Variants in DLGAP1 observed in about 807,000 individuals in gnomAD.
DLGAP1 encodes the protein DLG associated protein 1, also known as disks large-associated protein 1.
A neutral mutation model predicts 90.8 loss-of-function variants in DLGAP1; 11 were observed. The ratio of observed to expected loss-of-function variants is 0.12; its 90% CI spans 0.08 to 0.20. The LOEUF is 0.20. Among genes scored for constraint, DLGAP1 ranks in the 10% least tolerant of loss-of-function variants. The pLI, the probability that DLGAP1 is intolerant of heterozygous loss-of-function variation, is 1.00. For synonymous variants in DLGAP1, 558 were observed against 540.7 expected (o/e 1.03, Z -0.44); for missense variants, 1,050 against 1,333.8 (o/e 0.79, Z 3.31).
chr18:3,685,518 T>C (rs112153369), intron 7 of DLGAP1, among the ~76,000 whole-genome samples: 17,406 of 137,014 alleles, frequency 0.13, 1,195 homozygotes, highest in Non-Finnish European at 0.15. Flanking sequence ...GAGCCGAGAT[T>C]GCGCCACTGC....
At chr18:4,416,123 G>A (rs1567904902) in intron 1 of DLGAP1, among the ~76,000 whole-genome samples, 5 of 149,896 alleles carry the variant, frequency 3.3e-5, no homozygotes, top group African/African-American at 9.9e-5. Context: ...AACCTAAATT[G>A]TAGTGACATA....
At chr18:4,079,121 C>T (rs1474884339) in intron 2 of DLGAP1, among the ~76,000 whole-genome samples, 2 of 152,048 alleles carry the variant, frequency 1.3e-5, no homozygotes, top group Admixed American at 1.3e-4. Flanking sequence ...TAAGGATAGC[C>T]CAGCATAGAT....
At chr18:3,629,938 A>G (rs1245908665) in intron 7 of DLGAP1, among the ~76,000 whole-genome samples, 2 of 152,130 alleles carry the variant, frequency 1.3e-5, no homozygotes, top group African/African-American at 4.8e-5. Context: ...CCCTACCCCC[A>G]TATCATTTTG....
Position 3,498,982 on chromosome 18 carries a change from G to A in DLGAP1, c.*203C>T. On this transcript the variant is annotated 3_prime_UTR_variant, in exon 13 of 13. Coordinates refer to ENST00000315677, the MANE Select transcript of DLGAP1 (RefSeq NM_004746.4). ...ACAGGGGGCGAAGCTCGGTGAAGAA[G>A]GAGATGGGCAAACGGGTACGGGAAG... 1.8e-6 allele frequency: 1 copy of A among 563,030 alleles called. No homozygotes were observed. The highest frequency in any genetic ancestry group is 2.3e-5 in the South Asian group (1 of 43,472). The allele number at this position is 563,030 out of a possible 1,614,324, so 34.9% of individuals were successfully genotyped here.
intron 3 of DLGAP1, among the ~76,000 whole-genome samples, chr18:3,998,231 T>C (rs1269863846): frequency 6.6e-6 from 1 of 152,222 alleles, no homozygotes; most frequent in Non-Finnish European, 1.5e-5. Flanking sequence ...TGGAATAATA[T>C]GTATAGGGAA....
At chr18:4,156,711 T>C (rs1038735378) in intron 1 of DLGAP1, among the ~76,000 whole-genome samples, 2 of 152,218 alleles carry the variant, frequency 1.3e-5, no homozygotes, top group African/African-American at 2.4e-5. Flanking sequence ...TATGAATCTA[T>C]AGACCTAAAA....
At chr18:4,137,129 CTA>C (rs1442070807) in intron 2 of DLGAP1, among the ~76,000 whole-genome samples, 1 of 152,174 alleles carries the variant, frequency 6.6e-6, no homozygotes, top group African/African-American at 2.4e-5. Flanking sequence ...GAATTCCCAC[CTA>C]TGAGTGAGAA....
At chr18:4,243,357 T>C (rs1487124846) in intron 1 of DLGAP1, among the ~76,000 whole-genome samples, 1 of 106,548 alleles carries the variant, frequency 9.4e-6, no homozygotes, top group African/African-American at 2.8e-5. Context: ...CATTTGGAGG[T>C]GGACTGACCA....
chr18:3,972,505 A>ACTCT (rs35860801), intron 3 of DLGAP1, among the ~76,000 whole-genome samples: 56,563 of 150,184 alleles, frequency 0.38, 10,769 homozygotes, highest in Non-Finnish European at 0.41. Flanking sequence ...ACACACACAC[A>ACTCT]CACTCTCTCT....
intron 7 of DLGAP1, among the ~76,000 whole-genome samples, chr18:3,645,730 C>T (rs1312773464): frequency 6.6e-6 from 1 of 152,180 alleles, no homozygotes; most frequent in East Asian, 1.9e-4. Flanking sequence ...GTCATAATGG[C>T]CTGTTCACAC....
At chr18:3,521,834 T>C (rs1599037274) in intron 10 of DLGAP1, among the ~76,000 whole-genome samples, 2 of 152,368 alleles carry the variant, frequency 1.3e-5, no homozygotes. Context: ...TTACAGATTC[T>C]ATATCAACCA....
rs73376572 is a variant in DLGAP1 at position 3,964,663 on chromosome 18, T to C, written c.-73+40453A>G. On this transcript the variant is annotated intron_variant, in intron 3 of 12. Transcript: ENST00000315677. ...AAAGGGGGTATCAGCAAGAAGAACC[T>C]TGATAAACTTCTATACACGAAGGCC... Among the ~76,000 whole-genome samples the C allele has an allele frequency of 7.6e-3, 1,155 of 152,260 alleles. 10 individuals carry two copies. The highest frequency in any genetic ancestry group is 0.026 in the African/African-American group (1,085 of 41,544).
At chr18:3,730,402 T>C (rs1027058800) in intron 6 of DLGAP1, among the ~76,000 whole-genome samples, 3 of 152,208 alleles carry the variant, frequency 2.0e-5, no homozygotes, top group African/African-American at 7.2e-5. Context: ...TTTTTATTGA[T>C]TTATATTCCT....
intron 9 of DLGAP1, among the ~76,000 whole-genome samples, chr18:3,535,893 G>A (rs1054859470): frequency 6.6e-6 from 1 of 151,890 alleles, no homozygotes; most frequent in Non-Finnish European, 1.5e-5. Flanking sequence ...AAATTAGCTG[G>A]GCGTGGTGGC....
chr18:3,732,002 C>T (rs1215313966), intron 6 of DLGAP1, among the ~76,000 whole-genome samples: 2 of 152,144 alleles, frequency 1.3e-5, no homozygotes, highest in East Asian at 1.9e-4. Context: ...TTCACCCAAG[C>T]GTGCATCCCT....
chr18:3,587,589 G>A (rs1466993060), intron 7 of DLGAP1, among the ~76,000 whole-genome samples: 1 of 152,174 alleles, frequency 6.6e-6, no homozygotes, highest in Non-Finnish European at 1.5e-5. Context: ...CCAGCCAGCA[G>A]CAGCAATCCC....
intron 3 of DLGAP1, among the ~76,000 whole-genome samples, chr18:3,882,320 T>A (rs1457762709): frequency 6.6e-6 from 1 of 151,828 alleles, no homozygotes; most frequent in Non-Finnish European, 1.5e-5. Context: ...GAGAATCGCT[T>A]GAACCCAGGA....
chr18:4,272,073 C>A (rs1330842062), intron 1 of DLGAP1, among the ~76,000 whole-genome samples: 1 of 152,104 alleles, frequency 6.6e-6, no homozygotes, highest in African/African-American at 2.4e-5. Flanking sequence ...GGCTTATGAT[C>A]TGTGCAGTGT....
intron 1 of DLGAP1, among the ~76,000 whole-genome samples, chr18:4,192,077 T>C (rs2077411333): frequency 6.6e-6 from 1 of 152,170 alleles, no homozygotes; most frequent in African/African-American, 2.4e-5. Context: ...AATGAAGAAA[T>C]GACTTCATCA....
Sources: gnomAD v4.1 joint callset for allele counts (sites outside exome capture counted in the v4.1 genomes callset) on GRCh38, gnomAD v4.1.1 for gene constraint, MANE v1.5 for transcripts, NCBI Gene and HGNC (gene_info 2026-07-23, HGNC 2026-07-21) for gene names.